SRGAP3: variants seen among roughly 807,000 people sequenced by gnomAD.
SRGAP3 encodes the protein SLIT-ROBO Rho GTPase activating protein 3, also known as SLIT-ROBO Rho GTPase-activating protein 3.
SRGAP3 carries 39 observed loss-of-function variants against 121.1 expected under a neutral mutation model. The observed-to-expected ratio is 0.32, with a 90% CI of 0.25 to 0.42. The LOEUF is 0.42. Among genes scored for constraint, SRGAP3 ranks in the 10% least tolerant of loss-of-function variants. The pLI, the probability that SRGAP3 is intolerant of heterozygous loss-of-function variation, is 1.00. For missense variants in SRGAP3, 1,213 were observed against 1,470.6 expected (o/e 0.82, Z 2.86); for synonymous variants, 601 against 570.0 (o/e 1.05, Z -0.77).
At chr3:9,062,372 C>G (rs1946217947) in intron 5 of SRGAP3, among the ~76,000 whole-genome samples, 1 of 143,662 alleles carries the variant, frequency 7.0e-6, no homozygotes, top group African/African-American at 2.4e-5. Context: ...CTCCTTCTCC[C>G]TATGTTGTAG....
In SRGAP3 at chr3:8,994,526, G is replaced by A. The variant is rs1428991073; in HGVS notation, c.2228-3C>T. The stretch of plus-strand genomic sequence containing the variant: ...AATAGCCTCGATCTGCTCCACTTCT[G>A]GAAGGAAATCAAGGGAAAAAGCGTC... On this transcript the variant is annotated splice_region_variant and splice_polypyrimidine_tract_variant and intron_variant, in intron 18 of 21. Coordinates refer to ENST00000383836, the MANE Select transcript of SRGAP3 (RefSeq NM_014850.4). 1 of 1,613,200 alleles carries A rather than the reference G, an allele frequency of 6.2e-7. No individual in the cohort carries two copies. Among genetic ancestry groups the A allele is most frequent in the South Asian group, 1.1e-5 (1 of 91,078 alleles).
rs149791662 is a variant in SRGAP3, at chr3:9,123,260, T to A, written c.260+1465A>T. 5.4e-4 allele frequency among the ~76,000 whole-genome samples: 83 copies of A among 152,308 alleles called. No individual in the cohort carries two copies. The East Asian group carries it at 0.013, about 25-fold the overall frequency. ...AGATGTAAAAAGCACTGGAGTTGGA[T>A]GGTGGCGATGGTTGCATAACATTGT... On this transcript the variant is annotated intron_variant, in intron 2 of 21. Transcript: ENST00000383836.
chr3:9,035,639 G>A (rs1944710436), intron 11 of SRGAP3: 2 of 176,888 alleles, frequency 1.1e-5, no homozygotes, highest in East Asian at 9.7e-5. Context: ...GAGAGGCAGG[G>A]AAAACAGGAA....
At chr3:9,027,313 G>A (rs1031401328) in intron 12 of SRGAP3, among the ~76,000 whole-genome samples, 4 of 152,190 alleles carry the variant, frequency 2.6e-5, no homozygotes, top group Non-Finnish European at 5.9e-5. Flanking sequence ...GGGGGGTGCT[G>A]GAGTCTGGCC....
At chr3:9,226,238 C>A (rs899090726) in intron 1 of SRGAP3, among the ~76,000 whole-genome samples, 3 of 152,208 alleles carry the variant, frequency 2.0e-5, no homozygotes, top group Non-Finnish European at 4.4e-5. Context: ...CATTTTGAGC[C>A]TCTTCAGGGA....
At chr3:9,345,334 T>A (rs968840482) in intron 1 of SRGAP3, among the ~76,000 whole-genome samples, 9 of 148,864 alleles carry the variant, frequency 6.0e-5, no homozygotes, top group Admixed American at 6.0e-4. Flanking sequence ...CCTGCAAAAA[T>A]AAAAATAAAC....
intron 1 of SRGAP3, among the ~76,000 whole-genome samples, chr3:9,157,185 G>T (rs918238187): frequency 6.6e-6 from 1 of 152,174 alleles, no homozygotes; most frequent in Non-Finnish European, 1.5e-5. Flanking sequence ...TGACTGGGAG[G>T]CCTCCAGAAA....
At chr3:9,360,024 G>T (rs901160401) in intron 1 of SRGAP3, among the ~76,000 whole-genome samples, 5 of 152,100 alleles carry the variant, frequency 3.3e-5, no homozygotes, top group African/African-American at 9.7e-5. Flanking sequence ...CGAACTCCTG[G>T]GCCCAAGCAA....
chr3:9,199,986 A>T (rs1352207452), intron 1 of SRGAP3, among the ~76,000 whole-genome samples: 1 of 152,382 alleles, frequency 6.6e-6, no homozygotes, highest in East Asian at 1.9e-4. Context: ...GGCCTTATGA[A>T]TTGCAAGTCA....
At chr3:9,302,741 T>C (rs1246527982) in intron 3 of SRGAP3, among the ~76,000 whole-genome samples, 2 of 152,144 alleles carry the variant, frequency 1.3e-5, no homozygotes, top group East Asian at 1.9e-4. Flanking sequence ...GGCCGGATCC[T>C]ATCCCGGGGG....
intron 3 of SRGAP3, among the ~76,000 whole-genome samples, chr3:9,287,227 A>T (rs1008965235): frequency 2.0e-5 from 3 of 151,954 alleles, no homozygotes; most frequent in African/African-American, 4.8e-5. Context: ...CCTTGGCTCA[A>T]GCGATCCTCC....
Position 9,164,276 on chromosome 3 carries a change from T to TTTTTTTTATTTATTTATTTA in SRGAP3, c.68-39360_68-39359insTAAATAAATAAATAAAAAAA, listed in dbSNP as rs1553683179. The stretch of plus-strand genomic sequence containing the variant: ...CCCAAATCTCCTGACACCCAGACTA[T>TTTTTTTTATTTATTTATTTA]TTTATTTATTTATTTATTTATTTAT... On this transcript the variant is annotated intron_variant, in intron 1 of 21. Transcript: ENST00000383836. Among the ~76,000 whole-genome samples, 134 of 140,852 alleles carry TTTTTTTTATTTATTTATTTA rather than the reference T, an allele frequency of 9.5e-4. 1 individual carries two copies. The highest frequency in any genetic ancestry group is 1.7e-3 in the African/African-American group (69 of 39,492). 92.4% of individuals were successfully genotyped at this position (140,852 alleles called of 152,430 possible). A position where few individuals can be genotyped will look rare whatever the true frequency, so the allele number is the denominator to read the frequency against.
At chr3:9,005,785 G>A (rs60534307) in intron 18 of SRGAP3, among the ~76,000 whole-genome samples, 2,904 of 152,212 alleles carry the variant, frequency 0.019, 85 homozygotes, top group African/African-American at 0.067. Flanking sequence ...ATGGGAGGGC[G>A]TAAGGAGTGA....
chr3:9,335,682 T>C (rs1428729265), intron 1 of SRGAP3, among the ~76,000 whole-genome samples: 1 of 152,162 alleles, frequency 6.6e-6, no homozygotes, highest in Non-Finnish European at 1.5e-5. Flanking sequence ...ACCTACTGAT[T>C]CTTATACTCT....
At chr3:9,327,907 T>C (rs1955546080) in intron 2 of SRGAP3, among the ~76,000 whole-genome samples, 1 of 152,238 alleles carries the variant, frequency 6.6e-6, no homozygotes, top group South Asian at 2.1e-4. Flanking sequence ...TACAACATCC[T>C]TTTTATATAA....
chr3:9,296,568 G>C (rs1204521919), intron 3 of SRGAP3, among the ~76,000 whole-genome samples: 1 of 152,182 alleles, frequency 6.6e-6, no homozygotes, highest in Non-Finnish European at 1.5e-5. Context: ...TGGGTCCCCA[G>C]AGGCAGTGTG....
intron 1 of SRGAP3, among the ~76,000 whole-genome samples, chr3:9,147,800 G>A (rs1950075555): frequency 6.6e-6 from 1 of 152,180 alleles, no homozygotes; most frequent in Non-Finnish European, 1.5e-5. Flanking sequence ...AAGCCTCCAG[G>A]AGAAAGGAAT....
chr3:9,343,216 C>T (rs1054733369), intron 1 of SRGAP3, among the ~76,000 whole-genome samples: 11 of 152,178 alleles, frequency 7.2e-5, no homozygotes, highest in African/African-American at 1.9e-4. Flanking sequence ...TCTTCAAATG[C>T]GTATTTGAAG....
At chr3:9,099,690 T>C (rs1948131732) in intron 3 of SRGAP3, among the ~76,000 whole-genome samples, 1 of 152,206 alleles carries the variant, frequency 6.6e-6, no homozygotes. Flanking sequence ...ACCAGAAGCA[T>C]GAGTATCACC....
Sources: allele counts gnomAD v4.1 joint callset (sites outside exome capture counted in the v4.1 genomes callset), GRCh38; gene constraint gnomAD v4.1.1; transcripts MANE v1.5; gene names NCBI Gene and HGNC (gene_info 2026-07-23, HGNC 2026-07-21).